Variants in MGAT4B observed in about 807,000 individuals in gnomAD.
MGAT4B encodes the protein alpha-1,3-mannosyl-glycoprotein 4-beta-N-acetylglucosaminyltransferase B.
MGAT4B carries 38 observed loss-of-function variants against 73.9 expected under a neutral mutation model. The ratio of observed to expected loss-of-function variants is 0.51; its 90% confidence interval spans 0.40 to 0.67. The LOEUF (loss-of-function observed/expected upper bound fraction) is 0.67. MGAT4B is among the 30% of genes least tolerant of loss of function. The pLI is 0.00. For missense variants in MGAT4B, 686 were observed against 735.2 expected (o/e 0.93, Z 0.77); for synonymous variants, 373 against 313.5 (o/e 1.19, Z -2.01).
chr5:179,801,559 G>A lies in MGAT4B; in HGVS notation c.419C>T (p.Thr140Ile), dbSNP rs200914476. ...CTCCCTGTCTGCGCCCATACCTCCG[G>A]TGCGGCCCTGGCCCACGCGCACCGC... ...QPAVRVGQGR[T>I]GVSVVMGIPS... The change falls in exon 3 of 15, where the codon ACC becomes ATC. Residue 140 changes from threonine to isoleucine, a missense_variant. Physicochemically the swap from Thr to Ile is moderately conservative, Grantham distance 89. Transcript: ENST00000292591. This position sits in a 1 kb window ranked among gnomAD's most constrained non-coding sequence, Gnocchi z 4.8. The A allele has an allele frequency of 1.2e-6, 2 of 1,609,028 alleles. No individual in the cohort carries two copies. The highest frequency in any genetic ancestry group is 1.7e-6 in the Non-Finnish European group (2 of 1,178,312).
rs946328941 is a variant in MGAT4B at position 179,802,461 on chromosome 5, C to A, written c.98-492G>T. On this transcript the variant is annotated intron_variant, in intron 1 of 14. Transcript: ENST00000292591. ...CACTGGATTCTTAGCCTCACGATGG[C>A]CCCGGGGGGTGGCTGCTGCAGTTCC... 4 of 1,047,106 alleles carry A rather than the reference C, an allele frequency of 3.8e-6. No individual in the cohort carries two copies. In the South Asian group the frequency reaches 1.6e-4, roughly 41 times the overall value. 64.9% of individuals were successfully genotyped at this position (1,047,106 alleles called of 1,614,324 possible). A position where few individuals can be genotyped will look rare whatever the true frequency, so the allele number is the denominator to read the frequency against.
chr5:179,797,803 AACGGTT>A lies in MGAT4B; in HGVS notation c.*236_*241del. 4.0e-6 allele frequency: 2 copies of A among 497,118 alleles called. No individual in the cohort carries two copies. Among genetic ancestry groups the A allele is most frequent in the Non-Finnish European group, 3.5e-6 (1 of 285,820 alleles). 30.8% of individuals were successfully genotyped at this position (497,118 alleles called of 1,614,324 possible). A position where few individuals can be genotyped will look rare whatever the true frequency, so the allele number is the denominator to read the frequency against. ...GCCTGACTGGGGCAGGCCGGGTGCG[AACGGTT>A]CCGGGCCTCAGGCACAGTGTGGGGG... On this transcript the variant is annotated 3_prime_UTR_variant, in exon 15 of 15. Coordinates refer to ENST00000292591, the MANE Select transcript of MGAT4B (RefSeq NM_014275.5).
rs1357591342 is a variant in MGAT4B, at chr5:179,798,011, G to C, written c.*34C>G. The C allele has an allele frequency of 2.5e-6, 4 of 1,598,140 alleles. No homozygotes were observed. The highest frequency in any genetic ancestry group is 3.4e-6 in the Non-Finnish European group (4 of 1,172,996). ...ACACCCCCAGAAATGTGGGCTTCAG[G>C]GCTGGCCACAGGGTACCCTCAGAAG... On this transcript the variant is annotated 3_prime_UTR_variant, in exon 15 of 15. Transcript: ENST00000292591.
chr5:179,800,358 C>A (rs1214366716), intron 6 of MGAT4B, 99 bp from the exon 7 acceptor site: 3 of 1,484,170 alleles, frequency 2.0e-6, no homozygotes, highest in African/African-American at 1.4e-5. Flanking sequence ...CCCCCCACCC[C>A]CATGCACGGG....
intron 1 of MGAT4B, chr5:179,803,313 C>G (rs1201954319): frequency 1.0e-6 from 1 of 974,586 alleles, no homozygotes; most frequent in Non-Finnish European, 1.2e-6. Flanking sequence ...AAAGGGGAGT[C>G]AGATTACTGG....
chr5:179,801,908 A>T lies in MGAT4B; in HGVS notation c.159T>A (p.Ala53=), dbSNP rs941998577. 10 of 1,613,138 alleles carry T rather than the reference A, an allele frequency of 6.2e-6. No individual in the cohort carries two copies. In the African/African-American group the frequency reaches 1.2e-4, roughly 19 times the overall value. The part of the protein sequence containing the change: ...FLALRDRLHA[A]EQESLKRSKE... The stretch of plus-strand genomic sequence containing the variant: ...TGGAGCGCTTGAGGCTCTCCTGCTC[A>T]GCTGCGTGCAACCGATCGCGCAGCG... The change falls in exon 2 of 15, where the codon GCT becomes GCA. Residue 53 remains alanine (A), a synonymous_variant. Transcript: ENST00000292591. The surrounding 1 kb of genome is among the most constrained non-coding windows in gnomAD (Gnocchi z 4.8).
At position 179,801,434 on chromosome 5, in the gene MGAT4B, C is replaced by T. The variant is rs1231716193; in HGVS notation, c.458G>A (p.Arg153His). 2.5e-6 allele frequency: 4 copies of T among 1,610,700 alleles called. No homozygotes were observed. Among genetic ancestry groups the T allele is most frequent in the South Asian group, 1.1e-5 (1 of 91,048 alleles). ...GTCAGTCAGGTACGAGTGCACCTCG[C>T]GCCGCACGCTCGGGATGCCCATCAC... ...SVVMGIPSVR[R>H]EVHSYLTDTL... Residue 153 changes from arginine to histidine, a missense_variant, in exon 4 of 15, where the codon CGC becomes CAC. This residue lies in a region of MGAT4B where 449 missense variants were observed against 536.8 expected (regional missense o/e 0.84). Coordinates refer to ENST00000292591, the MANE Select transcript of MGAT4B (RefSeq NM_014275.5). The surrounding 1 kb of genome is among the most constrained non-coding windows in gnomAD (Gnocchi z 4.8).
In MGAT4B at chr5:179,800,531, G is replaced by C; in HGVS notation, c.672C>G (p.Asp224Glu). 1 of 1,612,208 alleles carries C rather than the reference G, an allele frequency of 6.2e-7. No individual in the cohort carries two copies. The highest frequency in any genetic ancestry group is 8.5e-7 in the Non-Finnish European group (1 of 1,179,654). ...CAAAGGACTCTCGGAGGCGGGAGAA[G>C]TCAGGGTAGAAGTGGGGGGAGGGTG... ...VISPSPHFYP[D>E]FSRLRESFGD... Residue 224 changes from aspartate to glutamate, a missense_variant, in exon 6 of 15, where the codon GAC becomes GAG. Around this residue, in one of 2 missense-constraint regions of MGAT4B, gnomAD observed 449 missense variants for 536.8 expected, o/e 0.84. Coordinates refer to ENST00000292591, the MANE Select transcript of MGAT4B (RefSeq NM_014275.5).
intron 1 of MGAT4B, 73 bp from the exon 2 acceptor site, chr5:179,802,042 G>A (rs377526378): frequency 1.4e-5 from 22 of 1,610,856 alleles, no homozygotes; most frequent in African/African-American, 2.7e-5. Flanking sequence ...GTGTGCCAGC[G>A]CACACATCTG....
chr5:179,798,045 T>G lies in MGAT4B; in HGVS notation c.1647A>C (p.Ter549TyrextTer5), dbSNP rs375767451. The G allele has an allele frequency of 5.0e-6, 8 of 1,608,506 alleles. No individual in the cohort carries two copies. The African/African-American group carries it at 1.1e-4, about 21-fold the overall frequency. ...CAGGGTACCCTCAGAAGCCCGCAGC[T>G]TAGTCGGCCTTTTTCAGGAAGATCT... ...LSEIFLKKAD* is the reference protein window; with the variant it reads ...LSEIFLKKADY The change falls in exon 15 of 15, where the codon TAA (stop) becomes TAC (tyrosine). Residue 549 changes from the stop codon to tyrosine (Y), a stop_lost. Transcript: ENST00000292591.
Position 179,798,285 on chromosome 5 carries a change from A to AG in MGAT4B, c.1511-9dup. On this transcript the variant is annotated splice_polypyrimidine_tract_variant and intron_variant, in intron 13 of 14. Transcript: ENST00000292591. ...CTCCCTTGTAGAAGGAGCCTGTGGG[A>AG]GGGCAGTGGTGAGAGGGTGTCCCTG... is the stretch of plus-strand genomic sequence containing the variant. 3 of 1,612,730 alleles carry AG rather than the reference A, an allele frequency of 1.9e-6. No individual in the cohort carries two copies. Among genetic ancestry groups the AG allele is most frequent in the Non-Finnish European group, 2.5e-6 (3 of 1,179,816 alleles).
At chr5:179,805,576 G>A (rs1467101867) in intron 1 of MGAT4B, among the ~76,000 whole-genome samples, 1 of 152,258 alleles carries the variant, frequency 6.6e-6, no homozygotes, top group African/African-American at 2.4e-5. Context: ...GGTAGATGGA[G>A]CTCGGAGGGT....
Position 179,799,299 on chromosome 5 carries a change from G to A in MGAT4B, c.1053C>T (p.Asp351=). ...CNPEKDAKHC[D]RQKANLRIRF... ...GGATCCGCAGGTTGGCTTTCTGCCG[G>A]TCACAGTGCTTCTGTGGAGGGTGGG... Residue 351 remains aspartate (D), a synonymous_variant, in exon 10 of 15, where the codon GAC becomes GAT. Transcript: ENST00000292591. 1 of 1,613,764 alleles carries A rather than the reference G, an allele frequency of 6.2e-7. No individual in the cohort carries two copies. The highest frequency in any genetic ancestry group is 1.1e-5 in the South Asian group (1 of 91,070).
At position 179,797,864 on chromosome 5, in the gene MGAT4B, G is replaced by A. The variant is rs1013376350; in HGVS notation, c.*181C>T. 5.5e-5 allele frequency: 45 copies of A among 822,312 alleles called. No individual in the cohort carries two copies. Among genetic ancestry groups the A allele is most frequent in the Admixed American group, 2.9e-4 (9 of 31,024 alleles). The allele number at this position is 822,312 out of a possible 1,614,324, so 50.9% of individuals were successfully genotyped here. A position where few individuals can be genotyped will look rare whatever the true frequency, so the allele number is the denominator to read the frequency against. On this transcript the variant is annotated 3_prime_UTR_variant, in exon 15 of 15. Coordinates refer to ENST00000292591, the MANE Select transcript of MGAT4B (RefSeq NM_014275.5). ...CTGCCTCCTCCGCGGCCCGGCGGGC[G>A]GGGGCAGCACCAGCTCCTAGGGCCT...
rs1756726770 is a variant in MGAT4B at position 179,798,059 on chromosome 5, T to C, written c.1633A>G (p.Lys545Glu). Residue 545 changes from lysine to glutamate, a missense_variant, in exon 15 of 15, where the codon AAA becomes GAA. Coordinates refer to ENST00000292591, the MANE Select transcript of MGAT4B (RefSeq NM_014275.5). ...VWVILSEIFL[K>E]KAD ...AAGCCCGCAGCTTAGTCGGCCTTTT[T>C]CAGGAAGATCTGGAAGAGCCGGACC... The C allele has an allele frequency of 6.2e-7, 1 of 1,609,526 alleles. No homozygotes were observed. Among genetic ancestry groups the C allele is most frequent in the Non-Finnish European group, 8.5e-7 (1 of 1,178,574 alleles).
Position 179,798,986 on chromosome 5 carries a change from TGAAGGCCCA to T in MGAT4B, c.1276_1284del (p.Trp426_Phe428del). 1 of 1,613,440 alleles carries T rather than the reference TGAAGGCCCA, an allele frequency of 6.2e-7. No individual in the cohort carries two copies. Among genetic ancestry groups the T allele is most frequent in the Non-Finnish European group, 8.5e-7 (1 of 1,179,970 alleles). ...CGGATGAAGTCCCCCGCGGCAGGGG[TGAAGGCCCA>T]GAAGAAGTCCTCGCGCAGGTAGGCT... On this transcript the variant is annotated inframe_deletion, in exon 11 of 15. Coordinates refer to ENST00000292591, the MANE Select transcript of MGAT4B (RefSeq NM_014275.5).
chr5:179,800,427 G>A, intron 6 of MGAT4B, 57 bp downstream of exon 6: 13 of 1,431,240 alleles, frequency 9.1e-6, no homozygotes, highest in Non-Finnish European at 1.2e-5. Flanking sequence ...AACACCAGTA[G>A]ATGGGTTCTC....
chr5:179,801,337 G>C lies in MGAT4B; in HGVS notation c.555C>G (p.Ala185=). ...KEDSVIVVLI[A]ETDSQYTSAV... ...CCCCGCGTCCCGGCTCACTCGCCTC[G>C]GCGATCAGCACCACGATGACCGAGT... The change falls in exon 4 of 15, where the codon GCC becomes GCG. Residue 185 remains alanine, a synonymous_variant. Transcript: ENST00000292591. The surrounding 1 kb of genome is among the most constrained non-coding windows in gnomAD (Gnocchi z 4.8). 1 of 1,608,486 alleles carries C rather than the reference G, an allele frequency of 6.2e-7. No individual in the cohort carries two copies. The highest frequency in any genetic ancestry group is 8.5e-7 in the Non-Finnish European group (1 of 1,176,732).
At chr5:179,799,181 G>A (rs374499619) in intron 10 of MGAT4B, 22 bp downstream of exon 10, 11 of 1,613,862 alleles carry the variant, frequency 6.8e-6, no homozygotes, top group South Asian at 3.3e-5. Flanking sequence ...CCGGCCTAGG[G>A]AGAGCGTGCA....
Sources: gnomAD v4.1 joint callset for allele counts (sites outside exome capture counted in the v4.1 genomes callset) on GRCh38, gnomAD v4.1.1 for gene constraint, gnomAD v4.1.1 regional missense constraint, Gnocchi (gnomAD v3.1) non-coding constraint, MANE v1.5 for transcripts, NCBI Gene and HGNC (gene_info 2026-07-23, HGNC 2026-07-21) for gene names.